RAPGEF2: variants seen among roughly 807,000 people sequenced by gnomAD.
RAPGEF2 encodes the protein Rap guanine nucleotide exchange factor 2, also known as PDZ domain containing guanine nucleotide exchange factor (GEF) 1.
A neutral mutation model predicts 186.7 loss-of-function variants in RAPGEF2; 54 were observed. The observed-to-expected ratio is 0.29, with a 90% CI of 0.23 to 0.36. The LOEUF (loss-of-function observed/expected upper bound fraction) is 0.36. Ranked by LOEUF, RAPGEF2 falls within the 10% of genes least tolerant of loss-of-function variation. The probability of loss-of-function intolerance (pLI) is 1.00; values close to 1 mark genes in which losing one functional copy is unlikely to be tolerated. For missense variants in RAPGEF2, 1,532 were observed against 2,045.0 expected (o/e 0.75, Z 4.84); for synonymous variants, 712 against 705.9 (o/e 1.01, Z -0.14).
intron 1 of RAPGEF2, among the ~76,000 whole-genome samples, chr4:159,175,357 A>G (rs1330514527): frequency 1.3e-5 from 2 of 152,144 alleles, no homozygotes; most frequent in East Asian, 3.8e-4. Context: ...GTTCAAAAGT[A>G]TGTGATGATG....
In RAPGEF2 at chr4:159,157,188, A is replaced by G. The variant is rs997679490; in HGVS notation, c.70-29454A>G. ...AACACTTCATGACCTATAAATGTCA[A>G]TAAACATATGCCAGACTCCATTAAC... On this transcript the variant is annotated intron_variant, in intron 1 of 29. Coordinates refer to ENST00000691494, the MANE Select transcript of RAPGEF2 (RefSeq NM_001394067.2). Among the ~76,000 whole-genome samples, 15 of 152,352 alleles carry G rather than the reference A, an allele frequency of 9.8e-5. No individual in the cohort carries two copies. In the East Asian group the frequency reaches 2.7e-3, roughly 27 times the overall value.
chr4:159,182,430 C>G (rs986612142), intron 1 of RAPGEF2, among the ~76,000 whole-genome samples: 1 of 112,062 alleles, frequency 8.9e-6, no homozygotes. Context: ...GAGTCTCACT[C>G]TGTTGCCCAG....
rs116243398 is a variant in RAPGEF2, at chr4:159,139,446, A to G, written c.69+35215A>G. On this transcript the variant is annotated intron_variant, in intron 1 of 29. Transcript: ENST00000691494. ...TAAGGCTTTGAGAAGGACATCCTAT[A>G]TAATGTAAGACACACATTTAAAGCA... Among the ~76,000 whole-genome samples, 697 of 152,312 alleles carry G rather than the reference A, an allele frequency of 4.6e-3. 7 individuals carry two copies. Among genetic ancestry groups the G allele is most frequent in the African/African-American group, 0.016 (653 of 41,562 alleles).
chr4:159,324,458 G>T (rs1765663038), intron 11 of RAPGEF2, among the ~76,000 whole-genome samples: 1 of 152,058 alleles, frequency 6.6e-6, no homozygotes, highest in African/African-American at 2.4e-5. Context: ...ATGTAAGGAT[G>T]GTATTTTTAA....
intron 1 of RAPGEF2, among the ~76,000 whole-genome samples, chr4:159,150,964 G>C (rs965752821): frequency 6.6e-6 from 1 of 152,172 alleles, no homozygotes; most frequent in Non-Finnish European, 1.5e-5. Context: ...TCCAGCAAGC[G>C]AGAGAATAGA....
chr4:159,263,946 G>T (rs1045521342), intron 7 of RAPGEF2, among the ~76,000 whole-genome samples: 1 of 152,120 alleles, frequency 6.6e-6, no homozygotes, highest in Admixed American at 6.5e-5. Context: ...GTCATTGGAT[G>T]TTATTGACAG....
intron 1 of RAPGEF2, among the ~76,000 whole-genome samples, chr4:159,106,016 A>G (rs1237889438): frequency 6.6e-6 from 1 of 152,224 alleles, no homozygotes; most frequent in Non-Finnish European, 1.5e-5. Context: ...CAAAACCTCC[A>G]CTGTGACTGT....
At chr4:159,254,655 C>T (rs1031231384) in intron 7 of RAPGEF2, among the ~76,000 whole-genome samples, 9 of 143,786 alleles carry the variant, frequency 6.3e-5, no homozygotes, top group East Asian at 2.0e-4. Context: ...GTCACCCAGG[C>T]GGGAGTGAGG....
At position 159,353,467 on chromosome 4, in the gene RAPGEF2, C is replaced by A; in HGVS notation, c.4092-20C>A. Reference sequence around the variant, plus strand: ...TCAATCTTGTTTTTTTTTTCTTTTCCATTTCTTTTAACCACTTAGGTCCTA... The same window carrying A: ...TCAATCTTGTTTTTTTTTTCTTTTCAATTTCTTTTAACCACTTAGGTCCTA... On this transcript the variant is annotated intron_variant, in intron 27 of 29. Coordinates refer to ENST00000691494, the MANE Select transcript of RAPGEF2 (RefSeq NM_001394067.2). This position sits in a 1 kb window ranked among gnomAD's most constrained non-coding sequence, Gnocchi z 4.3. 1.4e-6 allele frequency: 2 copies of A among 1,383,978 alleles called. No individual in the cohort carries two copies. The highest frequency in any genetic ancestry group is 2.1e-5 in the South Asian group (1 of 47,020). 85.7% of individuals were successfully genotyped at this position (1,383,978 alleles called of 1,614,324 possible). A position where few individuals can be genotyped will look rare whatever the true frequency, so the allele number is the denominator to read the frequency against.
At position 159,355,889 on chromosome 4, in the gene RAPGEF2, C is replaced by A. The variant is rs1332693927; in HGVS notation, c.4688C>A (p.Thr1563Asn). 2 of 1,544,018 alleles carry A rather than the reference C, an allele frequency of 1.3e-6. No individual in the cohort carries two copies. The highest frequency in any genetic ancestry group is 2.0e-5 in the Admixed American group (1 of 51,190). ...GGCAGGTATCGAGAGCCCCCGCCCA[C>A]CCCTCCCGGCTACATTGGAATTCCC... ...KEGRYREPPPTPPGYIGIPIT... is the reference protein window; with the variant it reads ...KEGRYREPPPNPPGYIGIPIT... The change falls in exon 29 of 30, where the codon ACC becomes AAC. Residue 1563 changes from threonine to asparagine, a missense_variant. Transcript: ENST00000691494.
At chr4:159,166,217 G>A (rs1311017076) in intron 1 of RAPGEF2, among the ~76,000 whole-genome samples, 1 of 152,118 alleles carries the variant, frequency 6.6e-6, no homozygotes, top group African/African-American at 2.4e-5. Flanking sequence ...GGGAGGCTGA[G>A]GCAGGAGAAT....
intron 1 of RAPGEF2, among the ~76,000 whole-genome samples, chr4:159,173,213 A>G (rs1746099458): frequency 6.6e-6 from 1 of 152,212 alleles, no homozygotes; most frequent in Admixed American, 6.5e-5. Flanking sequence ...AAAAATGGCT[A>G]CAATGAAATT....
At chr4:159,236,165 G>T (rs914059629) in intron 4 of RAPGEF2, among the ~76,000 whole-genome samples, 2 of 152,176 alleles carry the variant, frequency 1.3e-5, no homozygotes, top group African/African-American at 4.8e-5. Context: ...AGTTTCTCCT[G>T]TTCACATCTT....
At chr4:159,282,580 C>T in intron 7 of RAPGEF2, 2 of 441,710 alleles carry the variant, frequency 4.5e-6, no homozygotes, top group South Asian at 1.6e-5. Context: ...GGCTTTTATA[C>T]ACCAAGTCTT....
At chr4:159,323,360 A>G in intron 10 of RAPGEF2, 99 bp from the exon 11 acceptor site, 1 of 1,012,348 alleles carries the variant, frequency 9.9e-7, no homozygotes, top group Non-Finnish European at 1.4e-6. Flanking sequence ...TATCTCCAAA[A>G]TGGAAGATCT....
intron 1 of RAPGEF2, among the ~76,000 whole-genome samples, chr4:159,153,106 C>T (rs1391670567): frequency 6.6e-6 from 1 of 152,052 alleles, no homozygotes; most frequent in Non-Finnish European, 1.5e-5. Flanking sequence ...TTTTATTTGC[C>T]TTTATCAAAC....
chr4:159,127,542 G>A (rs1026865698), intron 1 of RAPGEF2, among the ~76,000 whole-genome samples: 2 of 152,022 alleles, frequency 1.3e-5, no homozygotes, highest in East Asian at 1.9e-4. Flanking sequence ...TTTAGCTTGC[G>A]TTTCTTCTGG....
At chr4:159,317,038 G>A (rs1370677148) in intron 9 of RAPGEF2, among the ~76,000 whole-genome samples, 1 of 152,144 alleles carries the variant, frequency 6.6e-6, no homozygotes. Flanking sequence ...TATTTGAAGG[G>A]CAATTAAATG....
chr4:159,180,460 C>CT lies in RAPGEF2; in HGVS notation c.70-6181dup, dbSNP rs577724534. 2.4e-4 allele frequency among the ~76,000 whole-genome samples: 37 copies of CT among 152,264 alleles called. No homozygotes were observed. In the East Asian group the frequency reaches 7.1e-3, roughly 29 times the overall value. Reference sequence around the variant, plus strand: ...AAGAAGTCTCAAGTTTACATGGAGTCTATCTGTAAAGCCACCTAACTGCAT... The same window carrying CT: ...AAGAAGTCTCAAGTTTACATGGAGTCTTATCTGTAAAGCCACCTAACTGCAT... On this transcript the variant is annotated intron_variant, in intron 1 of 29. Coordinates refer to ENST00000691494, the MANE Select transcript of RAPGEF2 (RefSeq NM_001394067.2).
Sources: gnomAD v4.1 joint callset for allele counts (sites outside exome capture counted in the v4.1 genomes callset) on GRCh38, gnomAD v4.1.1 for gene constraint, Gnocchi (gnomAD v3.1) non-coding constraint, MANE v1.5 for transcripts, NCBI Gene and HGNC (gene_info 2026-07-23, HGNC 2026-07-21) for gene names.